ZFAND3: variants seen among roughly 807,000 people sequenced by gnomAD.
ZFAND3 encodes zinc finger AN1-type containing 3.
In ZFAND3, 10 loss-of-function variants were observed where a neutral mutation model predicts 29.6. The observed-to-expected ratio is 0.34, with a 90% confidence interval of 0.21 to 0.57. The LOEUF (loss-of-function observed/expected upper bound fraction) is 0.57. ZFAND3 is among the 20% of genes least tolerant of loss of function. The pLI is 0.86. For synonymous variants in ZFAND3, 128 were observed against 112.6 expected, an observed-to-expected ratio of 1.14 and a Z score of -0.87; for missense variants, 230 against 304.5, an observed-to-expected ratio of 0.76 and a Z score of 1.82.
At chr6:37,961,387 C>T (rs1762192925) in intron 2 of ZFAND3, among the ~76,000 whole-genome samples, 1 of 152,208 alleles carries the variant, frequency 6.6e-6, no homozygotes, top group Non-Finnish European at 1.5e-5. Flanking sequence ...GTCTCTGGCT[C>T]CAGGATAGCA....
At chr6:38,000,274 A>G (rs1284948329) in intron 2 of ZFAND3, among the ~76,000 whole-genome samples, 1 of 152,172 alleles carries the variant, frequency 6.6e-6, no homozygotes, top group Non-Finnish European at 1.5e-5. Context: ...AATTCTTCTC[A>G]TCTAATTCTG....
chr6:37,890,154 A>G (rs983399804), intron 1 of ZFAND3, among the ~76,000 whole-genome samples: 5 of 152,250 alleles, frequency 3.3e-5, no homozygotes, highest in Admixed American at 2.0e-4. Context: ...GACAACACAT[A>G]CAAGCATTGC....
intron 5 of ZFAND3, among the ~76,000 whole-genome samples, chr6:38,134,998 G>A (rs932672656): frequency 6.6e-6 from 1 of 152,240 alleles, no homozygotes; most frequent in African/African-American, 2.4e-5. Flanking sequence ...TGTGAATGGA[G>A]CTTTCATGGG....
intron 2 of ZFAND3, among the ~76,000 whole-genome samples, chr6:37,961,972 T>C (rs1481948746): frequency 6.6e-6 from 1 of 152,144 alleles, no homozygotes; most frequent in Non-Finnish European, 1.5e-5. Context: ...TCTGCAAGTA[T>C]CAGGATGATT....
At chr6:38,010,200 C>T (rs1165950169) in intron 2 of ZFAND3, among the ~76,000 whole-genome samples, 4 of 152,208 alleles carry the variant, frequency 2.6e-5, no homozygotes, top group African/African-American at 9.6e-5. Flanking sequence ...GGCGCACTCA[C>T]AGTCACTCAT....
At chr6:37,881,019 A>T (rs973045685) in intron 1 of ZFAND3, among the ~76,000 whole-genome samples, 3 of 152,084 alleles carry the variant, frequency 2.0e-5, no homozygotes, top group African/African-American at 7.2e-5. Flanking sequence ...AAAAAAAAAA[A>T]AAAATACTCT....
rs1258641035 is a variant in ZFAND3, at chr6:38,153,169, T to G, written c.*780T>G. ...CCGGCTCTGGTCTGCCATTCGCCAG[T>G]GCAGGGATCTGGCACGGACCAGATG... On this transcript the variant is annotated 3_prime_UTR_variant, in exon 6 of 6. Transcript: ENST00000287218. 2.0e-6 allele frequency: 2 copies of G among 985,358 alleles called. No homozygotes were observed. Among genetic ancestry groups the G allele is most frequent in the Non-Finnish European group, 2.4e-6 (2 of 829,960 alleles). The allele number at this position is 985,358 out of a possible 1,614,324, so 61.0% of individuals were successfully genotyped here.
chr6:37,948,745 G>C (rs1761944264), intron 2 of ZFAND3, among the ~76,000 whole-genome samples: 1 of 152,212 alleles, frequency 6.6e-6, no homozygotes. Flanking sequence ...TGCTAAGGAT[G>C]ACTTCCAGCT....
At chr6:37,957,319 T>G (rs1359414734) in intron 2 of ZFAND3, among the ~76,000 whole-genome samples, 1 of 152,156 alleles carries the variant, frequency 6.6e-6, no homozygotes, top group Non-Finnish European at 1.5e-5. Context: ...CAATTTTTTT[T>G]TTTTCATTGA....
At chr6:38,110,437 C>T (rs1765292592) in intron 4 of ZFAND3, among the ~76,000 whole-genome samples, 1 of 152,094 alleles carries the variant, frequency 6.6e-6, no homozygotes, top group South Asian at 2.1e-4. Flanking sequence ...CAGAAAGTAC[C>T]TGTAAAGCAG....
At chr6:37,948,464 T>G (rs113921460) in intron 2 of ZFAND3, among the ~76,000 whole-genome samples, 66 of 152,340 alleles carry the variant, frequency 4.3e-4, no homozygotes, top group African/African-American at 1.3e-3. Flanking sequence ...TTGTTTTCTT[T>G]CCAACTTTTG....
At chr6:37,889,479 A>G (rs1217336188) in intron 1 of ZFAND3, among the ~76,000 whole-genome samples, 2 of 152,358 alleles carry the variant, frequency 1.3e-5, no homozygotes, top group Middle Eastern at 3.4e-3. Flanking sequence ...AGTGAGAAGG[A>G]TGGAGTAATA....
chr6:37,836,080 T>C (rs1252790929), intron 1 of ZFAND3, among the ~76,000 whole-genome samples: 1 of 152,192 alleles, frequency 6.6e-6, no homozygotes, highest in Non-Finnish European at 1.5e-5. Flanking sequence ...CATGAGTGTG[T>C]ATTGTCATAA....
chr6:37,827,483 G>A (rs1477526244), intron 1 of ZFAND3, among the ~76,000 whole-genome samples: 1 of 152,180 alleles, frequency 6.6e-6, no homozygotes, highest in East Asian at 1.9e-4. Flanking sequence ...TTTCACAAAT[G>A]TAAATCTCAT....
At chr6:38,097,539 G>A (rs555216472) in intron 4 of ZFAND3, among the ~76,000 whole-genome samples, 11 of 152,234 alleles carry the variant, frequency 7.2e-5, no homozygotes, top group African/African-American at 2.6e-4. Flanking sequence ...AGGAGAATTC[G>A]ACTATAAGGG....
At chr6:37,977,809 T>C (rs1241881644) in intron 2 of ZFAND3, among the ~76,000 whole-genome samples, 1 of 143,372 alleles carries the variant, frequency 7.0e-6, no homozygotes, top group Middle Eastern at 3.5e-3. Flanking sequence ...AGAATGAATG[T>C]TGAATTTTGT....
intron 1 of ZFAND3, among the ~76,000 whole-genome samples, chr6:37,917,361 T>C (rs553911192): frequency 1.3e-5 from 2 of 152,336 alleles, no homozygotes; most frequent in African/African-American, 4.8e-5. Context: ...TCCCAAGTCA[T>C]TGCTCTTAAC....
chr6:37,991,521 T>G (rs889135569), intron 2 of ZFAND3, among the ~76,000 whole-genome samples: 1 of 151,926 alleles, frequency 6.6e-6, no homozygotes, highest in African/African-American at 2.4e-5. Context: ...CCTGGCTAAT[T>G]TTTGTATTTT....
chr6:38,148,831 A>G (rs1766162824), intron 5 of ZFAND3, among the ~76,000 whole-genome samples: 1 of 152,188 alleles, frequency 6.6e-6, no homozygotes, highest in South Asian at 2.1e-4. Context: ...CCTGCTCAGC[A>G]TTTGGGACAA....
Sources: allele counts gnomAD v4.1 joint callset (sites outside exome capture counted in the v4.1 genomes callset), GRCh38; gene constraint gnomAD v4.1.1; transcripts MANE v1.5; gene names NCBI Gene and HGNC (gene_info 2026-07-23, HGNC 2026-07-21).